Variants in SHMT1 observed in about 807,000 individuals in gnomAD.
SHMT1 encodes serine hydroxymethyltransferase 1.
SHMT1 carries 45 observed loss-of-function variants against 49.0 expected under a neutral mutation model. The ratio of observed to expected loss-of-function variants is 0.92; its 90% CI spans 0.72 to 1.18. The LOEUF (loss-of-function observed/expected upper bound fraction) is 1.18, where lower values mean the gene tolerates loss of function less well. Ranked by LOEUF, SHMT1 falls within the 50% of genes most tolerant of loss-of-function variation. SHMT1 has a pLI of 0.00. For synonymous variants in SHMT1, 232 were observed against 246.6 expected (o/e 0.94, Z 0.55); for missense variants, 541 against 612.4 (o/e 0.88, Z 1.23).
At position 18,353,667 on chromosome 17, in the gene SHMT1, C is replaced by T. The variant is rs1349465965; in HGVS notation, c.242+5G>A. 1.2e-6 allele frequency: 2 copies of T among 1,614,062 alleles called. No individual in the cohort carries two copies. The highest frequency in any genetic ancestry group is 1.7e-6 in the Non-Finnish European group (2 of 1,179,968). On this transcript the variant is annotated splice_donor_5th_base_variant and intron_variant, in intron 3 of 11. Transcript: ENST00000316694. The stretch of plus-strand genomic sequence containing the variant: ...AGAACCAGGCCTTTGAAGATATTCA[C>T]ATACCTCTGGCCCGGGTACCCCTCA...
At chr17:18,338,948 C>T (rs1384363515) in intron 7 of SHMT1, among the ~76,000 whole-genome samples, 1 of 149,932 alleles carries the variant, frequency 6.7e-6, no homozygotes, top group Non-Finnish European at 1.5e-5. Context: ...AACCAGAGAC[C>T]CTTGTTCACT....
chr17:18,330,572 T>C lies in SHMT1; in HGVS notation c.1154A>G (p.Asn385Ser). ...ATTCTCACCTGGACAGGTGTTCTTGTTGCAGGCAATAGAACAGGCTTCTAG... is the reference window on the plus strand; with the variant it reads ...ATTCTCACCTGGACAGGTGTTCTTGCTGCAGGCAATAGAACAGGCTTCTAG... The part of the protein sequence containing the change: ...KVLEACSIAC[N>S]KNTCPGDRSA... The change falls in exon 10 of 12, where the codon AAC (asparagine) becomes AGC (serine). Residue 385 changes from asparagine to serine, a missense_variant. Physicochemically the swap from Asn to Ser is conservative, Grantham distance 46. Coordinates refer to ENST00000316694, the MANE Select transcript of SHMT1 (RefSeq NM_004169.5). 6.2e-7 allele frequency: 1 copy of C among 1,612,414 alleles called. No individual in the cohort carries two copies. Among genetic ancestry groups the C allele is most frequent in the East Asian group, 2.2e-5 (1 of 44,862 alleles).
rs769848612 is a variant in SHMT1 at position 18,335,629 on chromosome 17, G to A, written c.861C>T (p.Asn287=). 1.9e-6 allele frequency: 3 copies of A among 1,614,130 alleles called. No individual in the cohort carries two copies. In the South Asian group the frequency reaches 3.3e-5, roughly 18 times the overall value. The change falls in exon 8 of 12, where the codon AAC becomes AAT. Residue 287 remains asparagine (N), a synonymous_variant. Transcript: ENST00000316694. ...DPKTGKEILY[N]LESLINSAVF... is the part of the protein sequence containing the mutation. ...CAGCAGAATTGATAAGAGACTCCAG[G>A]TTGTACAGAATCTCTTTGCCAGTCT...
rs116582248 is a variant in SHMT1 at position 18,337,296 on chromosome 17, G to A, written c.815-1621C>T. ...GTACTTGCTCTGATAGGCTGGCTCC[G>A]GAGTCCCTCAGCACTGGGTGAAATA... On this transcript the variant is annotated intron_variant, in intron 7 of 11. Transcript: ENST00000316694. 8.8e-3 allele frequency among the ~76,000 whole-genome samples: 1,338 copies of A among 152,276 alleles called. 18 individuals carry two copies. Among genetic ancestry groups the A allele is most frequent in the African/African-American group, 0.03 (1,255 of 41,542 alleles).
chr17:18,348,345 A>AC lies in SHMT1; in HGVS notation c.337dup (p.Val113GlyfsTer56), dbSNP rs756737767. 13 of 1,612,168 alleles carry AC rather than the reference A, an allele frequency of 8.1e-6. No individual in the cohort carries two copies. Among genetic ancestry groups the AC allele is most frequent in the Admixed American group, 5.0e-5 (3 of 59,920 alleles). ...AGCACCTGAGTAGGGCTGGACGTTG[A>AC]CCCCCCAGCACTGTGGGTCCAGCTT... is the stretch of plus-strand genomic sequence containing the variant. On this transcript the variant is annotated frameshift_variant, in exon 4 of 12. Transcript: ENST00000316694. LOFTEE classifies it high-confidence loss of function.
Position 18,353,823 on chromosome 17 carries a change from G to A in SHMT1, c.97-6C>T, listed in dbSNP as rs529646064. On this transcript the variant is annotated splice_polypyrimidine_tract_variant and splice_region_variant and intron_variant, in intron 2 of 11. Coordinates refer to ENST00000316694, the MANE Select transcript of SHMT1 (RefSeq NM_004169.5). ...TTCTTAATGATGTTGTAAACCTTAT[G>A]AGAAGAAAACAGATGCTTGATATTT... 6.2e-7 allele frequency: 1 copy of A among 1,613,926 alleles called. No homozygotes were observed. The highest frequency in any genetic ancestry group is 8.5e-7 in the Non-Finnish European group (1 of 1,179,814).
Position 18,330,627 on chromosome 17 carries a change from C to T in SHMT1, c.1099G>A (p.Gly367Ser). 1 of 1,614,074 alleles carries T rather than the reference C, an allele frequency of 6.2e-7. No individual in the cohort carries two copies. The highest frequency in any genetic ancestry group is 1.1e-5 in the South Asian group (1 of 91,068). Residue 367 changes from glycine to serine, a missense_variant, in exon 10 of 12, where the codon GGC (glycine) becomes AGC (serine). Transcript: ENST00000316694. ...HLILVDLRSK[G>S]TDGGRAEKVL... ...TTCTCAGCCCTTCCACCATCTGTGCCTTTGGAACGGAGATCCACAAGGATC... is the reference window on the plus strand; with the variant it reads ...TTCTCAGCCCTTCCACCATCTGTGCTTTTGGAACGGAGATCCACAAGGATC...
chr17:18,360,692 G>A (rs1343233203), intron 1 of SHMT1: 2 of 152,264 alleles, frequency 1.3e-5, no homozygotes, highest in African/African-American at 2.4e-5. Flanking sequence ...AATCTGGGAT[G>A]AGAGCAATCT....
intron 8 of SHMT1, among the ~76,000 whole-genome samples, chr17:18,334,943 C>T (rs1374460480): frequency 3.3e-5 from 5 of 152,182 alleles, no homozygotes; most frequent in Admixed American, 2.6e-4. Flanking sequence ...TCTAGAAGTG[C>T]TTGTGCGTCT....
chr17:18,335,765 C>G lies in SHMT1; in HGVS notation c.815-90G>C. 7 of 926,256 alleles carry G rather than the reference C, an allele frequency of 7.6e-6. No individual in the cohort carries two copies. In the Admixed American group the frequency reaches 1.2e-4, roughly 16 times the overall value. The allele number at this position is 926,256 out of a possible 1,614,324, so 57.4% of individuals were successfully genotyped here. A position where few individuals can be genotyped will look rare whatever the true frequency, so the allele number is the denominator to read the frequency against. Reference sequence around the variant, plus strand: ...AAACCCAGACTGGCCAGGGAAGAATCAAGCACAAGCCTGGCCTTTATCCTG... The same window carrying G: ...AAACCCAGACTGGCCAGGGAAGAATGAAGCACAAGCCTGGCCTTTATCCTG... On this transcript the variant is annotated intron_variant, in intron 7 of 11. Transcript: ENST00000316694.
At chr17:18,350,291 A>G (rs1985549367) in intron 3 of SHMT1, among the ~76,000 whole-genome samples, 2 of 152,086 alleles carry the variant, frequency 1.3e-5, no homozygotes, top group South Asian at 4.1e-4. Flanking sequence ...AGATCGTGCC[A>G]CTGCGCTCCA....
rs1982805263 is a variant in SHMT1, at chr17:18,328,572, G to C, written c.*178C>G. 1 of 652,834 alleles carries C rather than the reference G, an allele frequency of 1.5e-6. No individual in the cohort carries two copies. Among genetic ancestry groups the C allele is most frequent in the Non-Finnish European group, 2.6e-6 (1 of 384,858 alleles). 40.4% of individuals were successfully genotyped at this position (652,834 alleles called of 1,614,324 possible). On this transcript the variant is annotated 3_prime_UTR_variant, in exon 12 of 12. Transcript: ENST00000316694. ...CCTGTCCCAGAATTACTAACAATGA[G>C]ACTTAAACAAATTTTGATTTGTGAA...
chr17:18,354,494 G>A (rs890480805), intron 2 of SHMT1, among the ~76,000 whole-genome samples: 1 of 152,178 alleles, frequency 6.6e-6, no homozygotes, highest in Admixed American at 6.5e-5. Flanking sequence ...TACTCGGGGG[G>A]CCGAGGCAGG....
chr17:18,329,499 G>C (rs1335197069), intron 10 of SHMT1, 111 bp from the exon 11 acceptor site: 40 of 852,102 alleles, frequency 4.7e-5, no homozygotes, highest in Non-Finnish European at 7.6e-5. Context: ...GATACTGGCT[G>C]TCCCTAGCAA....
chr17:18,356,343 ATTTATT>A (rs1298303898), intron 1 of SHMT1, among the ~76,000 whole-genome samples: 2 of 144,166 alleles, frequency 1.4e-5, no homozygotes, highest in East Asian at 2.1e-4. Flanking sequence ...CGCCCCACCT[ATTTATT>A]TTTATTTTTT....
chr17:18,348,592 T>A, intron 3 of SHMT1, 152 bp from the exon 4 acceptor site: 1 of 742,424 alleles, frequency 1.3e-6, no homozygotes, highest in Non-Finnish European at 2.5e-6. Context: ...GAAGCCAGCA[T>A]GATCAAGTGT....
At chr17:18,333,395 C>T (rs1448355465) in intron 8 of SHMT1, 107 bp from the exon 9 acceptor site, 4 of 1,093,992 alleles carry the variant, frequency 3.7e-6, no homozygotes, top group Non-Finnish European at 5.4e-6. Flanking sequence ...TTTTCAATGT[C>T]ACCCCTTGCT....
chr17:18,346,613 T>TG (rs1386912122), intron 5 of SHMT1, among the ~76,000 whole-genome samples: 2 of 152,060 alleles, frequency 1.3e-5, no homozygotes, highest in African/African-American at 2.4e-5. Context: ...GCCATACAGG[T>TG]GCTCCTCAAC....
At chr17:18,348,541 G>A (rs771478707) in intron 3 of SHMT1, 101 bp from the exon 4 acceptor site, 1 of 834,112 alleles carries the variant, frequency 1.2e-6, no homozygotes, top group Non-Finnish European at 2.1e-6. Flanking sequence ...AAACTAAAGT[G>A]GAGAGAAGTA....
Sources: allele counts gnomAD v4.1 joint callset (sites outside exome capture counted in the v4.1 genomes callset), GRCh38; gene constraint gnomAD v4.1.1; transcripts MANE v1.5; gene names NCBI Gene and HGNC (gene_info 2026-07-23, HGNC 2026-07-21).